Variants in TPD52L1 observed in about 807,000 individuals in gnomAD.
The protein encoded by TPD52L1 is TPD52 like 1, also known as tumor protein D53.
A neutral mutation model predicts 28.7 loss-of-function variants in TPD52L1; 18 were observed. The ratio of observed to expected loss-of-function variants is 0.63; its 90% CI spans 0.43 to 0.93. The LOEUF is 0.93. TPD52L1 is among the 40% of genes least tolerant of loss of function. TPD52L1 has a pLI of 0.00. For missense variants in TPD52L1, 203 were observed against 254.8 expected (o/e 0.80, Z 1.39); for synonymous variants, 75 against 88.8 (o/e 0.84, Z 0.88).
At chr6:125,252,172 C>G in intron 4 of TPD52L1, 1 of 967,702 alleles carries the variant, frequency 1.0e-6, no homozygotes, top group South Asian at 1.6e-5. Flanking sequence ...TTCCCGTGAC[C>G]AGGAAGATAG....
chr6:125,207,108 A>T (rs3799751), intron 1 of TPD52L1, among the ~76,000 whole-genome samples: 2 of 151,980 alleles, frequency 1.3e-5, no homozygotes, highest in Non-Finnish European at 2.9e-5. Flanking sequence ...ATCAAGTCCT[A>T]TCAGAAAGAG....
intron 4 of TPD52L1, among the ~76,000 whole-genome samples, chr6:125,251,112 C>CTTAAT (rs3840539): frequency 0.36 from 55,347 of 151,664 alleles, 15,475 homozygotes; most frequent in African/African-American, 0.79. Context: ...AGTGTTTAAA[C>CTTAAT]TTAATAAAAG....
intron 1 of TPD52L1, among the ~76,000 whole-genome samples, chr6:125,167,073 A>C (rs76634214): frequency 0.011 from 1,665 of 152,210 alleles, 27 homozygotes; most frequent in African/African-American, 0.038. Context: ...CCCAGGCAAC[A>C]TAGCAAGACC....
At chr6:125,188,311 A>G (rs1177782115) in intron 1 of TPD52L1, among the ~76,000 whole-genome samples, 1 of 152,166 alleles carries the variant, frequency 6.6e-6, no homozygotes, top group Non-Finnish European at 1.5e-5. Flanking sequence ...ACCTAGTAAG[A>G]GCTGATTCTT....
intron 6 of TPD52L1, chr6:125,260,441 A>G (rs916251015): frequency 2.0e-5 from 3 of 152,200 alleles, no homozygotes; most frequent in African/African-American, 4.8e-5. Flanking sequence ...AATAAAAATA[A>G]TATTTCGTGA....
At chr6:125,236,154 GA>G (rs1247335293) in intron 3 of TPD52L1, among the ~76,000 whole-genome samples, 1 of 152,102 alleles carries the variant, frequency 6.6e-6, no homozygotes, top group Non-Finnish European at 1.5e-5. Context: ...TCTGTAATCT[GA>G]AGGGATTTAG....
chr6:125,191,821 A>C (rs1355462348), intron 1 of TPD52L1, among the ~76,000 whole-genome samples: 3 of 152,188 alleles, frequency 2.0e-5, no homozygotes, highest in Admixed American at 1.3e-4. Context: ...GGGCACTGAC[A>C]TACCTTGTCA....
intron 1 of TPD52L1, among the ~76,000 whole-genome samples, chr6:125,187,687 T>C (rs1200406498): frequency 6.6e-6 from 1 of 152,182 alleles, no homozygotes; most frequent in East Asian, 1.9e-4. Flanking sequence ...AAATCATTTT[T>C]GTCAAACAGT....
chr6:125,193,161 C>A (rs1037639553), intron 1 of TPD52L1, among the ~76,000 whole-genome samples: 5 of 152,148 alleles, frequency 3.3e-5, no homozygotes, highest in Admixed American at 2.0e-4. Flanking sequence ...TAGATTCAGG[C>A]CCCTCTAACT....
In TPD52L1 at chr6:125,180,929, G is replaced by GTGAA. The variant is rs67017746; in HGVS notation, c.19+26960_19+26961insGAAT. 2.9e-4 allele frequency among the ~76,000 whole-genome samples: 9 copies of GTGAA among 30,768 alleles called. No individual in the cohort carries two copies. In the African/African-American group the frequency reaches 0.013, roughly 44 times the overall value. The allele number at this position is 30,768 out of a possible 152,430, so 20.2% of individuals were successfully genotyped here. ...TGAATGCTTTTCAGTATATCTGATT[G>GTGAA]TATTCACAGCCCTTTCTGGTGGCAT... On this transcript the variant is annotated intron_variant, in intron 1 of 6. Transcript: ENST00000534000.
intron 1 of TPD52L1, among the ~76,000 whole-genome samples, chr6:125,172,584 TATATATACAATTATATATATAA>T (rs1791558698): frequency 8.9e-6 from 1 of 111,874 alleles, no homozygotes; most frequent in Non-Finnish European, 1.7e-5. Flanking sequence ...AAATTAGGTA[TATATATACAATTATATATATAA>T]ATATATATAA....
intron 5 of TPD52L1, 121 bp from the exon 6 acceptor site, chr6:125,256,977 C>A: frequency 1.3e-6 from 1 of 773,340 alleles, no homozygotes; most frequent in South Asian, 2.0e-5. Flanking sequence ...GTGCAGGTGG[C>A]AAGCTGACAG....
rs1471158129 is a variant in TPD52L1, at chr6:125,158,970, A to G, written c.19+5000A>G. 2.6e-5 allele frequency among the ~76,000 whole-genome samples: 4 copies of G among 152,254 alleles called. No individual in the cohort carries two copies. In the East Asian group the frequency reaches 7.7e-4, roughly 29 times the overall value. ...AAGATACTTTTTGCTAAAAATTGCTAACGATCATTTGTGCCTTCACTGAGT... is the reference window on the plus strand; with the variant it reads ...AAGATACTTTTTGCTAAAAATTGCTGACGATCATTTGTGCCTTCACTGAGT... On this transcript the variant is annotated intron_variant, in intron 1 of 6. Transcript: ENST00000534000.
intron 4 of TPD52L1, 125 bp from the exon 5 acceptor site, chr6:125,253,591 TG>T: frequency 1.2e-6 from 1 of 844,676 alleles, no homozygotes; most frequent in Non-Finnish European, 1.9e-6. Flanking sequence ...CTTGGTTAGA[TG>T]GGCAGGGAAT....
intron 1 of TPD52L1, among the ~76,000 whole-genome samples, chr6:125,157,845 C>G (rs1043195197): frequency 1.3e-5 from 2 of 152,176 alleles, no homozygotes; most frequent in Non-Finnish European, 2.9e-5. Flanking sequence ...TGGCCTAAAA[C>G]AATTAACATG....
At chr6:125,235,894 T>G (rs1004011766) in intron 3 of TPD52L1, among the ~76,000 whole-genome samples, 3 of 152,134 alleles carry the variant, frequency 2.0e-5, no homozygotes, top group Non-Finnish European at 4.4e-5. Flanking sequence ...ATAAAAGGAA[T>G]ATGATGTTTA....
In TPD52L1 at chr6:125,190,279, G is replaced by A. The variant is rs548112926; in HGVS notation, c.20-29799G>A. ...TGACCAGACCCAAATGAAGCCGACCGTTGTCCCTGGTGGTCCATTTTCTGT... is the reference window on the plus strand; with the variant it reads ...TGACCAGACCCAAATGAAGCCGACCATTGTCCCTGGTGGTCCATTTTCTGT... On this transcript the variant is annotated intron_variant, in intron 1 of 6. Coordinates refer to ENST00000534000, the MANE Select transcript of TPD52L1 (RefSeq NM_003287.4). 4.9e-4 allele frequency among the ~76,000 whole-genome samples: 74 copies of A among 152,182 alleles called. 2 individuals are homozygous for A. In the South Asian group the frequency reaches 7.9e-3, roughly 16 times the overall value.
At chr6:125,171,110 C>T (rs1791271940) in intron 1 of TPD52L1, among the ~76,000 whole-genome samples, 1 of 152,214 alleles carries the variant, frequency 6.6e-6, no homozygotes, top group Non-Finnish European at 1.5e-5. Context: ...GCATCATTAG[C>T]TTCACCTGGG....
chr6:125,219,787 C>A (rs1003199789), intron 1 of TPD52L1: 11 of 404,494 alleles, frequency 2.7e-5, no homozygotes, highest in African/African-American at 2.1e-4. Context: ...CAGTGAAGAG[C>A]TAAGCTGGAA....
Sources: allele counts gnomAD v4.1 joint callset (sites outside exome capture counted in the v4.1 genomes callset), GRCh38; gene constraint gnomAD v4.1.1; transcripts MANE v1.5; gene names NCBI Gene and HGNC (gene_info 2026-07-23, HGNC 2026-07-21).